The following TMEM65 variants were observed in gnomAD, a reference collection of about 807,000 sequenced individuals.
The protein encoded by TMEM65 is transmembrane protein 65.
A neutral mutation model predicts 25.4 loss-of-function variants in TMEM65; 22 were observed. The ratio of observed to expected loss-of-function variants is 0.86; its 90% CI spans 0.62 to 1.23. The LOEUF is 1.23. TMEM65 is among the 50% of genes most tolerant of loss of function. TMEM65 has a pLI of 0.00. For missense variants in TMEM65, 262 were observed against 308.2 expected (o/e 0.85, Z 1.12); for synonymous variants, 132 against 126.2 (o/e 1.05, Z -0.31).
intron 3 of TMEM65, 37 bp from the exon 4 acceptor site, chr8:124,323,412 G>C (rs1263060744): frequency 1.6e-6 from 2 of 1,220,862 alleles, no homozygotes; most frequent in East Asian, 5.0e-5. Flanking sequence ...AAAAATTAAA[G>C]CTGAAGTGAC....
chr8:124,306,890 A>C lies in TMEM65; in HGVS notation c.*7070T>G, dbSNP rs971738169. On this transcript the variant is annotated 3_prime_UTR_variant, in exon 7 of 7. Coordinates refer to ENST00000297632, the MANE Select transcript of TMEM65 (RefSeq NM_194291.3). ...CTTGAACCCAGAAGACAGAGGTTGCAGTGAGCCGGCATGGTGCCACTGCAC... is the reference window on the plus strand; with the variant it reads ...CTTGAACCCAGAAGACAGAGGTTGCCGTGAGCCGGCATGGTGCCACTGCAC... 6.6e-6 allele frequency: 1 copy of C among 152,146 alleles called. No homozygotes were observed. Among genetic ancestry groups the C allele is most frequent in the Non-Finnish European group, 1.5e-5 (1 of 68,058 alleles). 9.4% of individuals were successfully genotyped at this position (152,146 alleles called of 1,614,324 possible). A position where few individuals can be genotyped will look rare whatever the true frequency, so the allele number is the denominator to read the frequency against.
At position 124,310,588 on chromosome 8, in the gene TMEM65, AT is replaced by A. The variant is rs1814144322; in HGVS notation, c.*3371del. On this transcript the variant is annotated 3_prime_UTR_variant, in exon 7 of 7. Transcript: ENST00000297632. ...ATAATAGCCCCAACTTAATGTTGTC[AT>A]TAAGGTGATTAAATGCAATAATGTG... 1.3e-5 allele frequency: 2 copies of A among 152,232 alleles called. No individual in the cohort carries two copies. The highest frequency in any genetic ancestry group is 2.9e-5 in the Non-Finnish European group (2 of 68,040). The allele number at this position is 152,232 out of a possible 1,614,324, so 9.4% of individuals were successfully genotyped here.
chr8:124,344,683 T>C (rs1372051819), intron 1 of TMEM65, among the ~76,000 whole-genome samples: 1 of 152,230 alleles, frequency 6.6e-6, no homozygotes, highest in Admixed American at 6.5e-5. Flanking sequence ...TTTTTATATA[T>C]TTGATTTTGA....
At chr8:124,351,025 G>C in intron 1 of TMEM65, 1 of 985,130 alleles carries the variant, frequency 1.0e-6, no homozygotes, top group Non-Finnish European at 1.2e-6. Context: ...AACACTGTAA[G>C]ACTGTACTAT....
intron 4 of TMEM65, among the ~76,000 whole-genome samples, chr8:124,322,413 T>C (rs1586457219): frequency 6.6e-6 from 1 of 152,298 alleles, no homozygotes; most frequent in East Asian, 1.9e-4. Flanking sequence ...AATTGTAGAA[T>C]ATTTTGTAGT....
intron 1 of TMEM65, among the ~76,000 whole-genome samples, chr8:124,343,913 A>G (rs1814613556): frequency 6.6e-6 from 1 of 152,236 alleles, no homozygotes. Context: ...AAATTACGCC[A>G]GAAATTGTAT....
At chr8:124,340,526 TTAA>T (rs1195389907) in intron 1 of TMEM65, among the ~76,000 whole-genome samples, 1 of 53,660 alleles carries the variant, frequency 1.9e-5, no homozygotes, top group East Asian at 9.9e-4. Context: ...TTCACAGTCA[TTAA>T]CATTAAAATT....
At chr8:124,336,360 C>G (rs1814506267) in intron 1 of TMEM65, among the ~76,000 whole-genome samples, 1 of 151,952 alleles carries the variant, frequency 6.6e-6, no homozygotes, top group Admixed American at 6.5e-5. Flanking sequence ...CTATGTTGAT[C>G]TAATTGATAT....
intron 1 of TMEM65, among the ~76,000 whole-genome samples, chr8:124,367,303 A>T (rs1814951525): frequency 6.6e-6 from 1 of 151,988 alleles, no homozygotes; most frequent in Non-Finnish European, 1.5e-5. Flanking sequence ...GTGAAACCCC[A>T]CCTCTACTAA....
At chr8:124,316,944 G>A (rs1457806271) in intron 6 of TMEM65, among the ~76,000 whole-genome samples, 1 of 151,954 alleles carries the variant, frequency 6.6e-6, no homozygotes, top group Non-Finnish European at 1.5e-5. Flanking sequence ...ATTACAACAA[G>A]CAAATAGGTC....
chr8:124,333,468 T>C (rs867684730), intron 1 of TMEM65, among the ~76,000 whole-genome samples: 1,936 of 85,684 alleles, frequency 0.023, 5 homozygotes, highest in Non-Finnish European at 0.029. Context: ...TGTGTGTGTG[T>C]GCGTGTGTGT....
Position 124,322,105 on chromosome 8 carries a change from C to G in TMEM65, c.515G>C (p.Gly172Ala). ...GNLVSDLAGL[G>A]LAGYVEALAS... The stretch of plus-strand genomic sequence containing the variant: ...CAAATGAATAAGTGAATGAACCTAC[C>G]CAAGTCCAGCTAGATCTGACACAAG... Residue 172 changes from glycine to alanine, a missense_variant and splice_region_variant, in exon 5 of 7, where the codon GGA becomes GCA. By Grantham distance (60) the Gly-to-Ala change is moderately conservative. Transcript: ENST00000297632. 1 of 1,605,708 alleles carries G rather than the reference C, an allele frequency of 6.2e-7. No homozygotes were observed. Among genetic ancestry groups the G allele is most frequent in the South Asian group, 1.1e-5 (1 of 89,604 alleles).
At chr8:124,325,593 C>G (rs1366682731) in intron 3 of TMEM65, among the ~76,000 whole-genome samples, 2 of 151,868 alleles carry the variant, frequency 1.3e-5, no homozygotes, top group Non-Finnish European at 2.9e-5. Context: ...CAAAATGGCC[C>G]ATAAGCCCCT....
chr8:124,331,043 T>G (rs1031715880), intron 1 of TMEM65, among the ~76,000 whole-genome samples: 2 of 151,892 alleles, frequency 1.3e-5, no homozygotes, highest in African/African-American at 4.8e-5. Flanking sequence ...CTGGGTAAGT[T>G]CATTTGTTTT....
chr8:124,338,865 AC>A (rs1186527754), intron 1 of TMEM65, among the ~76,000 whole-genome samples: 2 of 152,112 alleles, frequency 1.3e-5, no homozygotes, highest in Non-Finnish European at 2.9e-5. Context: ...GTAAGCTGAT[AC>A]AGTATGTAAA....
chr8:124,333,496 T>TGC (rs1276100391), intron 1 of TMEM65, among the ~76,000 whole-genome samples: 1 of 151,670 alleles, frequency 6.6e-6, no homozygotes, highest in East Asian at 1.9e-4. Context: ...TGTGTGTGTG[T>TGC]GTCTGTGTGT....
chr8:124,316,976 C>T (rs760356720), intron 6 of TMEM65, among the ~76,000 whole-genome samples: 4 of 152,174 alleles, frequency 2.6e-5, no homozygotes, highest in Non-Finnish European at 5.9e-5. Flanking sequence ...TCTCCACACT[C>T]TTCCTACATT....
At chr8:124,334,108 A>C (rs1279286377) in intron 1 of TMEM65, among the ~76,000 whole-genome samples, 1 of 152,242 alleles carries the variant, frequency 6.6e-6, no homozygotes, top group African/African-American at 2.4e-5. Context: ...GAACCTAACC[A>C]TTAAATGCCT....
In TMEM65 at chr8:124,310,687, T is replaced by TATC. The variant is rs899254602; in HGVS notation, c.*3270_*3272dup. Reference sequence around the variant, plus strand: ...GAACTATTATTATTACTACTACTACTATCATCATCATCATCTCAGTCAGGA... The same window carrying TATC: ...GAACTATTATTATTACTACTACTACTATCATCATCATCATCATCTCAGTCAGGA... On this transcript the variant is annotated 3_prime_UTR_variant, in exon 7 of 7. Coordinates refer to ENST00000297632, the MANE Select transcript of TMEM65 (RefSeq NM_194291.3). The TATC allele has an allele frequency of 6.6e-6, 1 of 152,050 alleles. No individual in the cohort carries two copies. The highest frequency in any genetic ancestry group is 6.6e-5 in the Admixed American group (1 of 15,266). The allele number at this position is 152,050 out of a possible 1,614,324, so 9.4% of individuals were successfully genotyped here.
Sources: allele counts gnomAD v4.1 joint callset (sites outside exome capture counted in the v4.1 genomes callset), GRCh38; gene constraint gnomAD v4.1.1; transcripts MANE v1.5; gene names NCBI Gene and HGNC (gene_info 2026-07-23, HGNC 2026-07-21).